SBF2: variants seen among roughly 807,000 people sequenced by gnomAD.
SBF2 encodes the protein myotubularin-related protein 13.
SBF2 carries 112 observed loss-of-function variants against 225.2 expected under a neutral mutation model. The ratio of observed to expected loss-of-function variants is 0.50; its 90% CI spans 0.43 to 0.58. The LOEUF (loss-of-function observed/expected upper bound fraction) is 0.58. Ranked by LOEUF, SBF2 falls within the 20% of genes least tolerant of loss-of-function variation. The probability of loss-of-function intolerance (pLI) is 0.00; values close to 1 mark genes in which losing one functional copy is unlikely to be tolerated. For missense variants in SBF2, 1,996 were observed against 2,206.2 expected, an observed-to-expected ratio of 0.90 and a Z score of 1.91; for synonymous variants, 763 against 773.3, an observed-to-expected ratio of 0.99 and a Z score of 0.22.
chr11:9,891,101 A>G (rs1215589881), intron 17 of SBF2, among the ~76,000 whole-genome samples: 3 of 151,426 alleles, frequency 2.0e-5, no homozygotes, highest in Non-Finnish European at 4.4e-5. Context: ...GCACCACTGC[A>G]CTCCAGCCTG....
At chr11:10,110,028 G>C (rs909052279) in intron 2 of SBF2, among the ~76,000 whole-genome samples, 1 of 152,164 alleles carries the variant, frequency 6.6e-6, no homozygotes, top group African/African-American at 2.4e-5. Context: ...CTCTAATCTT[G>C]ACACTGAATT....
At chr11:10,222,215 T>G (rs1489856149) in intron 1 of SBF2, among the ~76,000 whole-genome samples, 1 of 152,170 alleles carries the variant, frequency 6.6e-6, no homozygotes, top group Non-Finnish European at 1.5e-5. Flanking sequence ...CAACTTCATA[T>G]TCACAATATC....
At chr11:10,188,728 T>A (rs1456556430) in intron 2 of SBF2, among the ~76,000 whole-genome samples, 1 of 152,184 alleles carries the variant, frequency 6.6e-6, no homozygotes, top group Non-Finnish European at 1.5e-5. Flanking sequence ...ACATGCACTT[T>A]CCAGACTTCA....
At chr11:10,007,477 C>T (rs1948246071) in intron 6 of SBF2, among the ~76,000 whole-genome samples, 1 of 152,160 alleles carries the variant, frequency 6.6e-6, no homozygotes. Context: ...TTAATATGAT[C>T]TATCAACTAG....
intron 16 of SBF2, among the ~76,000 whole-genome samples, chr11:9,955,355 T>C (rs1269705060): frequency 1.3e-5 from 2 of 152,058 alleles, no homozygotes; most frequent in Non-Finnish European, 2.9e-5. Flanking sequence ...TAGATTCATA[T>C]CTACTTTATG....
intron 19 of SBF2, among the ~76,000 whole-genome samples, chr11:9,855,240 T>G (rs1857233157): frequency 6.6e-6 from 1 of 152,178 alleles, no homozygotes. Flanking sequence ...AAGAGATCTG[T>G]GCAGTTGACT....
chr11:10,121,696 T>C lies in SBF2; in HGVS notation c.141+72206A>G, dbSNP rs1037425139. On this transcript the variant is annotated intron_variant, in intron 2 of 39. Coordinates refer to ENST00000256190, the MANE Select transcript of SBF2 (RefSeq NM_030962.4). ...AGCCAAGCATTTACTTGGGAACCTG[T>C]AGAATAAATTACAGTTGTCCTCTTT... 5.3e-5 allele frequency among the ~76,000 whole-genome samples: 8 copies of C among 152,364 alleles called. No homozygotes were observed. In the East Asian group the frequency reaches 1.5e-3, roughly 29 times the overall value.
intron 1 of SBF2, among the ~76,000 whole-genome samples, chr11:10,285,203 G>A (rs547937539): frequency 1.3e-5 from 2 of 152,038 alleles, no homozygotes; most frequent in Admixed American, 6.5e-5. Flanking sequence ...CCAGCTACTC[G>A]GCAGGCTGAG....
In SBF2 at chr11:9,968,548, G is replaced by C. The variant is rs375346684; in HGVS notation, c.1396-3C>G. 1 of 1,610,316 alleles carries C rather than the reference G, an allele frequency of 6.2e-7. No individual in the cohort carries two copies. The highest frequency in any genetic ancestry group is 8.5e-7 in the Non-Finnish European group (1 of 1,176,688). On this transcript the variant is annotated splice_region_variant and splice_polypyrimidine_tract_variant and intron_variant, in intron 13 of 39. Coordinates refer to ENST00000256190, the MANE Select transcript of SBF2 (RefSeq NM_030962.4). ...GCCATATGAGGATTTGGATTCTCCTGTAATATCAGACATAGGTAAAATTAC... is the reference window on the plus strand; with the variant it reads ...GCCATATGAGGATTTGGATTCTCCTCTAATATCAGACATAGGTAAAATTAC...
At chr11:9,807,869 GCA>G (rs1853939427) in intron 32 of SBF2, 129 bp downstream of exon 32, 1 of 852,044 alleles carries the variant, frequency 1.2e-6, no homozygotes, top group African/African-American at 1.7e-5. Flanking sequence ...TAAGATTTCA[GCA>G]TGTCCTGTGG....
At chr11:10,119,947 T>C (rs2135047607) in intron 2 of SBF2, among the ~76,000 whole-genome samples, 1 of 152,282 alleles carries the variant, frequency 6.6e-6, no homozygotes, top group Admixed American at 6.5e-5. Context: ...CTAATTATGG[T>C]AAAAACATAA....
At chr11:10,136,449 A>G (rs1052073968) in intron 2 of SBF2, among the ~76,000 whole-genome samples, 5 of 152,152 alleles carry the variant, frequency 3.3e-5, no homozygotes, top group African/African-American at 9.7e-5. Flanking sequence ...TTCTCCAGGG[A>G]GTGGCTGGAG....
intron 13 of SBF2, among the ~76,000 whole-genome samples, chr11:9,987,575 C>T (rs186404454): frequency 5.3e-5 from 8 of 152,152 alleles, no homozygotes; most frequent in Admixed American, 1.3e-4. Context: ...GCAAAGTTTC[C>T]GGATCTGAGA....
At chr11:10,049,799 G>C (rs186432025) in intron 2 of SBF2, among the ~76,000 whole-genome samples, 10 of 152,062 alleles carry the variant, frequency 6.6e-5, no homozygotes, top group African/African-American at 2.4e-4. Flanking sequence ...GTAGCAGAAC[G>C]GTATAATCCT....
intron 2 of SBF2, among the ~76,000 whole-genome samples, chr11:10,108,097 T>C (rs1157233276): frequency 2.0e-5 from 3 of 152,202 alleles, no homozygotes; most frequent in African/African-American, 7.2e-5. Flanking sequence ...AAGAATATGA[T>C]AATTTCTCAT....
chr11:10,288,476 G>A (rs1963941279), intron 1 of SBF2, among the ~76,000 whole-genome samples: 2 of 152,088 alleles, frequency 1.3e-5, no homozygotes, highest in South Asian at 4.1e-4. Flanking sequence ...TCTCAGCAGT[G>A]AGAGTGGCTC....
chr11:10,158,867 T>C (rs931970049), intron 2 of SBF2, among the ~76,000 whole-genome samples: 10 of 152,210 alleles, frequency 6.6e-5, no homozygotes, highest in Non-Finnish European at 1.3e-4. Flanking sequence ...ATAAATTTAG[T>C]ATACCACATT....
chr11:9,936,352 G>C (rs1590527179), intron 16 of SBF2, among the ~76,000 whole-genome samples: 1 of 152,174 alleles, frequency 6.6e-6, no homozygotes, highest in African/African-American at 2.4e-5. Context: ...TACACTGTTG[G>C]TGGGACTGTA....
chr11:10,281,717 T>G (rs1234935776), intron 1 of SBF2, among the ~76,000 whole-genome samples: 1 of 152,068 alleles, frequency 6.6e-6, no homozygotes, highest in East Asian at 1.9e-4. Context: ...CTCTAATGAC[T>G]CTCAAGTCTT....
Sources: allele counts gnomAD v4.1 joint callset (sites outside exome capture counted in the v4.1 genomes callset), GRCh38; gene constraint gnomAD v4.1.1; transcripts MANE v1.5; gene names NCBI Gene and HGNC (gene_info 2026-07-23, HGNC 2026-07-21).